The following HELZ variants were observed in gnomAD, a reference collection of about 807,000 sequenced individuals.
HELZ encodes the protein ATP-dependent RNA helicase with zinc finger domain.
A neutral mutation model predicts 218.2 loss-of-function variants in HELZ; 23 were observed. The ratio of observed to expected loss-of-function variants is 0.11; its 90% CI spans 0.08 to 0.15. HELZ has a LOEUF of 0.15. Ranked by LOEUF, HELZ falls within the 10% of genes least tolerant of loss-of-function variation. The probability of loss-of-function intolerance (pLI) is 1.00; values close to 1 mark genes in which losing one functional copy is unlikely to be tolerated. For missense variants in HELZ, 1,813 were observed against 2,353.7 expected (o/e 0.77, Z 4.75); for synonymous variants, 814 against 829.4 (o/e 0.98, Z 0.32).
At chr17:67,210,980 C>G (rs1232283928) in intron 5 of HELZ, among the ~76,000 whole-genome samples, 1 of 152,122 alleles carries the variant, frequency 6.6e-6, no homozygotes, top group Non-Finnish European at 1.5e-5. Flanking sequence ...ATTATTTCAT[C>G]AAAGTTTTTG....
chr17:67,231,617 A>ACCAACAAT (rs1292524630), intron 3 of HELZ, among the ~76,000 whole-genome samples: 2 of 151,690 alleles, frequency 1.3e-5, no homozygotes, highest in Admixed American at 1.3e-4. Flanking sequence ...AAAGAAATGT[A>ACCAACAAT]CCAACAATGG....
intron 3 of HELZ, among the ~76,000 whole-genome samples, chr17:67,234,291 C>A: frequency 1.8e-5 from 2 of 108,870 alleles, no homozygotes; most frequent in Admixed American, 9.3e-5. Flanking sequence ...CCACTGTACT[C>A]CAAAAAAAAA....
chr17:67,226,044 A>G (rs2040880565), intron 3 of HELZ, among the ~76,000 whole-genome samples: 1 of 151,964 alleles, frequency 6.6e-6, no homozygotes, highest in South Asian at 2.1e-4. Context: ...AGTGAATCAC[A>G]AGGTCAAGCG....
chr17:67,072,311 G>C lies in HELZ; in HGVS notation c.*5941C>G, dbSNP rs530118730. 6.6e-6 allele frequency: 1 copy of C among 152,658 alleles called. No individual in the cohort carries two copies. Among genetic ancestry groups the C allele is most frequent in the African/African-American group, 2.4e-5 (1 of 41,568 alleles). 9.5% of individuals were successfully genotyped at this position (152,658 alleles called of 1,614,324 possible). The stretch of plus-strand genomic sequence containing the variant: ...AGATCATGCCACTGTACTCCAGCCA[G>C]GGCAACAGAGCGAGACTCTGCCCCG... On this transcript the variant is annotated 3_prime_UTR_variant, in exon 33 of 33. Transcript: ENST00000358691.
intron 7 of HELZ, among the ~76,000 whole-genome samples, chr17:67,200,343 T>C (rs560531184): frequency 2.0e-5 from 3 of 152,304 alleles, no homozygotes; most frequent in African/African-American, 7.2e-5. Context: ...TGGAGTACTT[T>C]TTTGTTCACT....
intron 31 of HELZ, among the ~76,000 whole-genome samples, chr17:67,087,553 C>T (rs989919389): frequency 6.6e-6 from 1 of 152,110 alleles, no homozygotes; most frequent in African/African-American, 2.4e-5. Context: ...TCTCTTGGGC[C>T]CTTCCTTCAT....
intron 7 of HELZ, among the ~76,000 whole-genome samples, chr17:67,196,637 G>A (rs2040039493): frequency 6.6e-6 from 1 of 151,390 alleles, no homozygotes; most frequent in Non-Finnish European, 1.5e-5. Context: ...AACATGGGTG[G>A]GTGGATGGGA....
chr17:67,112,910 C>T (rs2143776698), intron 28 of HELZ, among the ~76,000 whole-genome samples: 1 of 152,184 alleles, frequency 6.6e-6, no homozygotes, highest in South Asian at 2.1e-4. Flanking sequence ...ACGAAAGAAA[C>T]AAGATGGTCA....
At chr17:67,217,347 A>G (rs75712467) in intron 4 of HELZ, among the ~76,000 whole-genome samples, 1,605 of 152,026 alleles carry the variant, frequency 0.011, 30 homozygotes, top group African/African-American at 0.036. Context: ...ATAAACCAAA[A>G]CCTAGTTACT....
At chr17:67,218,524 T>C in intron 4 of HELZ, 71 bp downstream of exon 4, 1 of 1,137,162 alleles carries the variant, frequency 8.8e-7, no homozygotes, top group Non-Finnish European at 1.3e-6. Flanking sequence ...TAGCTATTTG[T>C]ATCGTCACCC....
At chr17:67,103,243 C>T (rs188883910) in intron 31 of HELZ, among the ~76,000 whole-genome samples, 2 of 152,052 alleles carry the variant, frequency 1.3e-5, no homozygotes, top group East Asian at 3.9e-4. Context: ...AAGCTTGTGG[C>T]AACCAGAAAA....
chr17:67,189,391 C>T (rs1453703491), intron 11 of HELZ, among the ~76,000 whole-genome samples, 198 bp downstream of exon 11: 1 of 152,116 alleles, frequency 6.6e-6, no homozygotes, highest in Non-Finnish European at 1.5e-5. Flanking sequence ...CTACAAAGAT[C>T]TCATCTAAAA....
At position 67,188,299 on chromosome 17, in the gene HELZ, GA is replaced by G. The variant is rs537689112; in HGVS notation, c.1162+19del. ...TGCTTTTTAACACATTGTATCGGGG[GA>G]AAAAAGTCTAAATATTACCTTCTGT... On this transcript the variant is annotated intron_variant, in intron 12 of 32. Coordinates refer to ENST00000358691, the MANE Select transcript of HELZ (RefSeq NM_014877.4). This position sits in a 1 kb window ranked among gnomAD's most constrained non-coding sequence, Gnocchi z 4.1. The G allele has an allele frequency of 5.0e-6, 8 of 1,587,810 alleles. No homozygotes were observed. The Admixed American group carries it at 8.6e-5, about 17-fold the overall frequency.
intron 31 of HELZ, among the ~76,000 whole-genome samples, chr17:67,092,157 T>C (rs917033052): frequency 2.0e-5 from 3 of 152,182 alleles, no homozygotes; most frequent in Non-Finnish European, 2.9e-5. Flanking sequence ...TTTAAAAGCA[T>C]GATTCCCAGT....
At chr17:67,110,076 G>GT (rs200177567) in intron 28 of HELZ, among the ~76,000 whole-genome samples, 1,503 of 149,726 alleles carry the variant, frequency 0.01, 20 homozygotes, top group African/African-American at 0.032. Flanking sequence ...GTTTTGTTTT[G>GT]TTTTTTTTTG....
At chr17:67,084,895 G>A (rs953012538) in intron 32 of HELZ, among the ~76,000 whole-genome samples, 1 of 152,094 alleles carries the variant, frequency 6.6e-6, no homozygotes, top group Non-Finnish European at 1.5e-5. Flanking sequence ...CAAGGCGGAT[G>A]GATCACTTGA....
At chr17:67,236,012 G>A (rs1312029814) in intron 3 of HELZ, among the ~76,000 whole-genome samples, 4 of 151,970 alleles carry the variant, frequency 2.6e-5, no homozygotes, top group Admixed American at 6.6e-5. Context: ...CGCCCGCCTT[G>A]GCCTCCCAAA....
rs148286818 is a variant in HELZ at position 67,107,226 on chromosome 17, T to C, written c.5184A>G (p.Pro1728=). The C allele has an allele frequency of 6.2e-7, 1 of 1,614,110 alleles. No individual in the cohort carries two copies. The change falls in exon 31 of 33, where the codon CCA becomes CCG. Residue 1728 remains proline, a synonymous_variant. Coordinates refer to ENST00000358691, the MANE Select transcript of HELZ (RefSeq NM_014877.4). ...CTGTTCGAGATGACAATGGGTGAAA[T>C]GGCTCTTGACCAATAGCATGTTGAT... ...QNHQHAIGQE[P]FHPLSSRTVS...
At chr17:67,112,392 G>A (rs996575770) in intron 28 of HELZ, among the ~76,000 whole-genome samples, 2 of 152,180 alleles carry the variant, frequency 1.3e-5, no homozygotes, top group African/African-American at 4.8e-5. Flanking sequence ...TTCGTCCCAA[G>A]CTGCCTCTGA....
Sources: allele counts gnomAD v4.1 joint callset (sites outside exome capture counted in the v4.1 genomes callset), GRCh38; gene constraint gnomAD v4.1.1; non-coding constraint Gnocchi (gnomAD v3.1); transcripts MANE v1.5; gene names NCBI Gene and HGNC (gene_info 2026-07-23, HGNC 2026-07-21).